DDX21: variants seen among roughly 807,000 people sequenced by gnomAD.
DDX21 encodes the protein DExD-box helicase 21.
Under a neutral mutation model 90.0 loss-of-function variants are expected in DDX21, and 18 were observed. The ratio of observed to expected loss-of-function variants is 0.20; its 90% CI spans 0.14 to 0.30. The LOEUF (loss-of-function observed/expected upper bound fraction) is 0.30, where lower values mean the gene tolerates loss of function less well. Ranked by LOEUF, DDX21 falls within the 10% of genes least tolerant of loss-of-function variation. The pLI is 1.00. For synonymous variants in DDX21, 294 were observed against 318.0 expected (o/e 0.92, Z 0.80); for missense variants, 673 against 944.5 (o/e 0.71, Z 3.77).
intron 2 of DDX21, among the ~76,000 whole-genome samples, chr10:68,961,081 T>C (rs990510000): frequency 7.2e-5 from 11 of 152,180 alleles, no homozygotes; most frequent in African/African-American, 2.7e-4. Flanking sequence ...AACTCAGTTA[T>C]GAAAGAAATA....
rs200620565 is a variant in DDX21 at position 68,981,594 on chromosome 10, C to G, written c.2082+13C>G. On this transcript the variant is annotated intron_variant, in intron 14 of 14. Transcript: ENST00000354185. ...AACAGAAATACAGGTATTCTTTTCCCTTAGATTTTAAAGTTAACATACCTA... is the reference window on the plus strand; with the variant it reads ...AACAGAAATACAGGTATTCTTTTCCGTTAGATTTTAAAGTTAACATACCTA... 1 of 1,601,984 alleles carries G rather than the reference C, an allele frequency of 6.2e-7. No homozygotes were observed. Among genetic ancestry groups the G allele is most frequent in the South Asian group, 1.1e-5 (1 of 90,066 alleles).
At chr10:68,970,684 G>T (rs142601088) in intron 8 of DDX21, among the ~76,000 whole-genome samples, 2,532 of 151,542 alleles carry the variant, frequency 0.017, 24 homozygotes, top group Admixed American at 0.026. Flanking sequence ...AGGGGGTCTC[G>T]CTTCTTCGCC....
chr10:68,960,226 G>A lies in DDX21; in HGVS notation c.508G>A (p.Glu170Lys). 1 of 1,606,214 alleles carries A rather than the reference G, an allele frequency of 6.2e-7. No individual in the cohort carries two copies. The highest frequency in any genetic ancestry group is 1.1e-5 in the South Asian group (1 of 89,448). Residue 170 changes from glutamate (E) to lysine (K), a missense_variant, in exon 2 of 15, where the codon GAA (glutamate) becomes AAA (lysine). By Grantham distance (56) the Glu-to-Lys change is moderately conservative. Around this residue, in one of 4 missense-constraint regions of DDX21, gnomAD observed 204 missense variants for 221.6 expected, o/e 0.92. Transcript: ENST00000354185. Reference sequence around the variant, plus strand: ...TAACCCCAGTGAAGCTGCCAGTGAAGAAAGTAACAGTGAGATAGAGCAGGT... The same window carrying A: ...TAACCCCAGTGAAGCTGCCAGTGAAAAAAGTAACAGTGAGATAGAGCAGGT... ...DCNPSEAASE[E>K]SNSEIEQEIP...
chr10:68,983,001 ATTG>A lies in DDX21; in HGVS notation c.*192_*194del, dbSNP rs1843216995. On this transcript the variant is annotated 3_prime_UTR_variant, in exon 15 of 15. Coordinates refer to ENST00000354185, the MANE Select transcript of DDX21 (RefSeq NM_004728.4). ...TCTGATCATTATCATTTATAACTTT[ATTG>A]TTACTTCTTCATCAGTTTTTCCTTT... 2 of 712,374 alleles carry A rather than the reference ATTG, an allele frequency of 2.8e-6. No individual in the cohort carries two copies. The highest frequency in any genetic ancestry group is 4.5e-5 in the African/African-American group (2 of 44,698). 44.1% of individuals were successfully genotyped at this position (712,374 alleles called of 1,614,324 possible).
chr10:68,956,412 G>A, intron 1 of DDX21, 100 bp downstream of exon 1: 2 of 1,553,710 alleles, frequency 1.3e-6, no homozygotes, highest in South Asian at 1.2e-5. Context: ...GCGCGCGGCG[G>A]ATAACAGCGC....
rs753737762 is a variant in DDX21 at position 68,965,377 on chromosome 10, G to T, written c.787G>T (p.Val263Leu). 1 of 1,611,092 alleles carries T rather than the reference G, an allele frequency of 6.2e-7. No homozygotes were observed. The highest frequency in any genetic ancestry group is 8.5e-7 in the Non-Finnish European group (1 of 1,177,770). ...QDRKRGRAPQ[V>L]LVLAPTRELA... is the part of the protein sequence containing the mutation. Reference sequence around the variant, plus strand: ...GAATTCAATTATTTTTCTTTATCAGGTACTGGTTCTTGCACCTACAAGAGA... The same window carrying T: ...GAATTCAATTATTTTTCTTTATCAGTTACTGGTTCTTGCACCTACAAGAGA... The change falls in exon 5 of 15, where the codon GTA (valine) becomes TTA (leucine). Residue 263 changes from valine to leucine, a missense_variant and splice_region_variant. This residue lies in a region of DDX21 where 218 missense variants were observed against 347.3 expected (regional missense o/e 0.63). Transcript: ENST00000354185.
intron 10 of DDX21, among the ~76,000 whole-genome samples, chr10:68,974,466 A>G (rs1843067726): frequency 1.3e-5 from 2 of 152,246 alleles, no homozygotes; most frequent in South Asian, 4.1e-4. Flanking sequence ...ACAAATATAC[A>G]TTAACAGTGT....
chr10:68,977,548 C>A lies in DDX21; in HGVS notation c.1762C>A (p.Pro588Thr). The A allele has an allele frequency of 6.2e-7, 1 of 1,610,508 alleles. No homozygotes were observed. Among genetic ancestry groups the A allele is most frequent in the South Asian group, 1.1e-5 (1 of 90,704 alleles). Residue 588 changes from proline (P) to threonine (T), a missense_variant, in exon 12 of 15, where the codon CCC (proline) becomes ACC (threonine). By Grantham distance (38) the Pro-to-Thr change is conservative. Around this residue, in one of 4 missense-constraint regions of DDX21, gnomAD observed 225 missense variants for 298.8 expected, o/e 0.75. Transcript: ENST00000354185. Reference protein sequence around the residue: ...DAIRLLDSVPPTAISHFKQSA... With the variant: ...DAIRLLDSVPTTAISHFKQSA... ...CAACAGGCTTTTGGATTCCGTGCCT[C>A]CCACTGCCATTAGTCACTTCAAACA...
chr10:68,957,085 G>C (rs1842808869), intron 1 of DDX21, among the ~76,000 whole-genome samples: 1 of 152,002 alleles, frequency 6.6e-6, no homozygotes, highest in African/African-American at 2.4e-5. Flanking sequence ...GAGTAGACTG[G>C]AGAGGTCTTA....
chr10:68,964,884 A>T (rs543011247), intron 4 of DDX21, among the ~76,000 whole-genome samples: 17 of 151,912 alleles, frequency 1.1e-4, no homozygotes, highest in Admixed American at 6.6e-4. Flanking sequence ...ACTCCTGACC[A>T]CCCACCTTGG....
At chr10:68,962,615 C>CA (rs1305904545) in intron 3 of DDX21, among the ~76,000 whole-genome samples, 1 of 151,568 alleles carries the variant, frequency 6.6e-6, no homozygotes. Context: ...AACCCTGTCT[C>CA]AAAAAAAATT....
At chr10:68,956,533 T>G in intron 1 of DDX21, 1 of 1,403,854 alleles carries the variant, frequency 7.1e-7, no homozygotes, top group East Asian at 2.7e-5. Context: ...TGCGCTGACC[T>G]CTTCCTCTGA....
At chr10:68,970,714 G>A (rs971342177) in intron 8 of DDX21, among the ~76,000 whole-genome samples, 1 of 151,984 alleles carries the variant, frequency 6.6e-6, no homozygotes, top group Non-Finnish European at 1.5e-5. Flanking sequence ...CTGCAATGGT[G>A]TGATCTTGGC....
chr10:68,983,194 T>C lies in DDX21; in HGVS notation c.*382T>C. ...CCTGAAATAAATACCTAAGGGAGTGTAACAGTCTCTGGAGGACCACTTTGA... is the reference window on the plus strand; with the variant it reads ...CCTGAAATAAATACCTAAGGGAGTGCAACAGTCTCTGGAGGACCACTTTGA... On this transcript the variant is annotated 3_prime_UTR_variant, in exon 15 of 15. Transcript: ENST00000354185. 1 of 206,130 alleles carries C rather than the reference T, an allele frequency of 4.9e-6. No homozygotes were observed. The highest frequency in any genetic ancestry group is 1.0e-5 in the Non-Finnish European group (1 of 99,358). The allele number at this position is 206,130 out of a possible 1,614,324, so 12.8% of individuals were successfully genotyped here.
At chr10:68,956,545 C>A in intron 1 of DDX21, 1 of 1,378,798 alleles carries the variant, frequency 7.3e-7, no homozygotes, top group Non-Finnish European at 9.4e-7. Context: ...TTCCTCTGAG[C>A]TTATAGGCAT....
intron 14 of DDX21, 68 bp downstream of exon 14, chr10:68,981,649 G>T (rs1843193506): frequency 3.1e-6 from 4 of 1,305,290 alleles, no homozygotes; most frequent in Non-Finnish European, 4.4e-6. Context: ...TGAAAATAGA[G>T]AATAATAGAT....
At chr10:68,966,515 T>C (rs1052457440) in intron 5 of DDX21, among the ~76,000 whole-genome samples, 1 of 151,970 alleles carries the variant, frequency 6.6e-6, no homozygotes, top group Non-Finnish European at 1.5e-5. Flanking sequence ...TGATCTTGGC[T>C]CACTGCAACC....
At chr10:68,980,368 A>G (rs1049119159) in intron 13 of DDX21, among the ~76,000 whole-genome samples, 1 of 152,186 alleles carries the variant, frequency 6.6e-6, no homozygotes, top group Non-Finnish European at 1.5e-5. Context: ...TTTAGGACAC[A>G]TGTTTATGCA....
intron 12 of DDX21, 43 bp from the exon 13 acceptor site, chr10:68,978,799 A>T: frequency 6.3e-7 from 1 of 1,580,016 alleles, no homozygotes; most frequent in Non-Finnish European, 8.6e-7. Flanking sequence ...AATTAGGTTT[A>T]TTTTCAGCAC....
Sources: gnomAD v4.1 joint callset for allele counts (sites outside exome capture counted in the v4.1 genomes callset) on GRCh38, gnomAD v4.1.1 for gene constraint, gnomAD v4.1.1 regional missense constraint, MANE v1.5 for transcripts, NCBI Gene and HGNC (gene_info 2026-07-23, HGNC 2026-07-21) for gene names.